The following FRYL variants were observed in gnomAD, a reference collection of about 807,000 sequenced individuals.
FRYL encodes FRY like transcription coactivator.
In FRYL, 150 loss-of-function variants were observed where a neutral mutation model predicts 351.2. The ratio of observed to expected loss-of-function variants is 0.43; its 90% CI spans 0.37 to 0.49. The LOEUF (loss-of-function observed/expected upper bound fraction) is 0.49. Ranked by LOEUF, FRYL falls within the 20% of genes least tolerant of loss-of-function variation. The probability of loss-of-function intolerance (pLI) is 0.00; values close to 1 mark genes in which losing one functional copy is unlikely to be tolerated. For synonymous variants in FRYL, 1,153 were observed against 1,257.1 expected (o/e 0.92, Z 1.75); for missense variants, 3,036 against 3,619.3 (o/e 0.84, Z 4.13).
At chr4:48,650,846 A>G (rs890275214) in intron 3 of FRYL, among the ~76,000 whole-genome samples, 2 of 152,166 alleles carry the variant, frequency 1.3e-5, no homozygotes. Context: ...GGCCTGAACT[A>G]GGATAGTGGC....
intron 47 of FRYL, among the ~76,000 whole-genome samples, chr4:48,537,135 C>A (rs1729067312): frequency 6.6e-6 from 1 of 152,104 alleles, no homozygotes; most frequent in South Asian, 2.1e-4. Context: ...TTTATAACTT[C>A]TCAAGTTGTT....
chr4:48,754,798 T>C (rs1473763742), intron 1 of FRYL, among the ~76,000 whole-genome samples: 3 of 151,710 alleles, frequency 2.0e-5, no homozygotes, highest in Non-Finnish European at 4.4e-5. Context: ...TGAGCCACCA[T>C]GCCTTGCTAA....
At chr4:48,545,746 T>C (rs568412756) in intron 42 of FRYL, among the ~76,000 whole-genome samples, 1 of 152,334 alleles carries the variant, frequency 6.6e-6, no homozygotes, top group Admixed American at 6.5e-5. Flanking sequence ...CTACTTATTG[T>C]GTCTTGCAAA....
intron 27 of FRYL, among the ~76,000 whole-genome samples, chr4:48,568,573 A>G (rs2149094847): frequency 6.6e-6 from 1 of 152,176 alleles, no homozygotes; most frequent in East Asian, 1.9e-4. Context: ...TTTTAAAGGT[A>G]ATTTTTTTTT....
At chr4:48,539,939 T>C (rs1729787226) in intron 47 of FRYL, 32 bp downstream of exon 47, 2 of 1,450,742 alleles carry the variant, frequency 1.4e-6, no homozygotes, top group African/African-American at 1.4e-5. Context: ...AATTTCCCTA[T>C]AGTGTTACCT....
chr4:48,707,678 A>G (rs1358469096), intron 2 of FRYL, among the ~76,000 whole-genome samples: 2 of 152,218 alleles, frequency 1.3e-5, no homozygotes, highest in Non-Finnish European at 2.9e-5. Context: ...CCAGGTAATA[A>G]TGAGGTCTAA....
At chr4:48,679,125 T>C (rs1764237445) in intron 3 of FRYL, among the ~76,000 whole-genome samples, 2 of 152,156 alleles carry the variant, frequency 1.3e-5, no homozygotes, top group Admixed American at 1.3e-4. Context: ...ATATACACTG[T>C]TGAACACAAA....
At position 48,775,042 on chromosome 4, in the gene FRYL, C is replaced by T. The variant is rs185701210; in HGVS notation, c.-384+5036G>A. Among the ~76,000 whole-genome samples, 215 of 152,252 alleles carry T rather than the reference C, an allele frequency of 1.4e-3. 1 individual carries two copies. Among genetic ancestry groups the T allele is most frequent in the African/African-American group, 4.6e-3 (191 of 41,528 alleles). On this transcript the variant is annotated intron_variant, in intron 1 of 63. Transcript: ENST00000358350. ...GATACCTGTAAAGTATAAGGAAAGA[C>T]ACAATTACGTTTGCAGAATTTCAGA...
At chr4:48,543,216 GGATT>G (rs1175444480) in intron 44 of FRYL, among the ~76,000 whole-genome samples, 1 of 152,024 alleles carries the variant, frequency 6.6e-6, no homozygotes, top group Non-Finnish European at 1.5e-5. Context: ...CTTCTCAGAT[GGATT>G]ATCATATGTA....
chr4:48,704,840 T>G (rs1277799614), intron 2 of FRYL, among the ~76,000 whole-genome samples: 1 of 151,028 alleles, frequency 6.6e-6, no homozygotes, highest in Non-Finnish European at 1.5e-5. Context: ...TCCCAGCTAC[T>G]CAGGAGGCTG....
intron 6 of FRYL, among the ~76,000 whole-genome samples, chr4:48,619,754 A>G (rs927971508): frequency 6.6e-6 from 1 of 152,184 alleles, no homozygotes; most frequent in African/African-American, 2.4e-5. Context: ...CTCCTGCCTG[A>G]GCCTCCTAAA....
At chr4:48,655,890 G>A (rs1426937585) in intron 3 of FRYL, among the ~76,000 whole-genome samples, 1 of 136,988 alleles carries the variant, frequency 7.3e-6, no homozygotes, top group African/African-American at 2.6e-5. Context: ...TGTATATAAT[G>A]TATAATTCTA....
At position 48,570,764 on chromosome 4, in the gene FRYL, C is replaced by T. The variant is rs560769634; in HGVS notation, c.2996+63G>A. 2.9e-5 allele frequency: 35 copies of T among 1,207,276 alleles called. 1 individual carries two copies. The South Asian group carries it at 3.0e-4, about 10-fold the overall frequency. 74.8% of individuals were successfully genotyped at this position (1,207,276 alleles called of 1,614,324 possible). Reference sequence around the variant, plus strand: ...TTTCTGTTTTTATACATTTCATGAGCGAAAAGAGATTACGTTCTCTAGGAT... The same window carrying T: ...TTTCTGTTTTTATACATTTCATGAGTGAAAAGAGATTACGTTCTCTAGGAT... On this transcript the variant is annotated intron_variant, in intron 27 of 63. Coordinates refer to ENST00000358350, the MANE Select transcript of FRYL (RefSeq NM_015030.2).
intron 22 of FRYL, chr4:48,580,549 C>G: frequency 3.4e-6 from 1 of 293,960 alleles, no homozygotes; most frequent in East Asian, 5.7e-5. Flanking sequence ...TTCTATCTCA[C>G]GAATATTATA....
At chr4:48,523,564 C>T (rs1725344683) in intron 53 of FRYL, 1 of 154,946 alleles carries the variant, frequency 6.5e-6, no homozygotes, top group South Asian at 2.0e-4. Context: ...ATATACACTA[C>T]ACTTTTGGGG....
chr4:48,768,152 G>A (rs1321719450), intron 1 of FRYL, among the ~76,000 whole-genome samples: 1 of 152,164 alleles, frequency 6.6e-6, no homozygotes, highest in Non-Finnish European at 1.5e-5. Context: ...GATGCCTTGT[G>A]ATGTCCTCTC....
chr4:48,668,709 GAAT>G lies in FRYL; in HGVS notation c.-81+15961_-81+15963del, dbSNP rs1420582270. On this transcript the variant is annotated intron_variant, in intron 3 of 63. Coordinates refer to ENST00000358350, the MANE Select transcript of FRYL (RefSeq NM_015030.2). ...AGAAACAATACTTTCATGTTAAATA[GAAT>G]AATAACTGAGGCTAGGCGGTGAGGA... Among the ~76,000 whole-genome samples the G allele has an allele frequency of 3.3e-5, 5 of 152,298 alleles. No individual in the cohort carries two copies. In the East Asian group the frequency reaches 9.6e-4, roughly 29 times the overall value.
rs1719708403 is a variant in FRYL, at chr4:48,501,744, A to T, written c.8482-11T>A. The T allele has an allele frequency of 7.2e-7, 1 of 1,379,432 alleles. No homozygotes were observed. Among genetic ancestry groups the T allele is most frequent in the South Asian group, 1.2e-5 (1 of 83,196 alleles). 85.4% of individuals were successfully genotyped at this position (1,379,432 alleles called of 1,614,324 possible). ...GCAGAGCTCCAATTCCTAGAAATAA[A>T]TAACATTACATTAAATTTAGGTGTT... On this transcript the variant is annotated splice_polypyrimidine_tract_variant and intron_variant, in intron 61 of 63. Transcript: ENST00000358350.
intron 4 of FRYL, among the ~76,000 whole-genome samples, chr4:48,628,431 CGTGTGTGTGTGT>C (rs397993302): frequency 6.9e-6 from 1 of 144,662 alleles, no homozygotes; most frequent in South Asian, 2.2e-4. Context: ...CCTTCATTTG[CGTGTGTGTGTGT>C]GTGTGTGTGT....
Sources: allele counts gnomAD v4.1 joint callset (sites outside exome capture counted in the v4.1 genomes callset), GRCh38; gene constraint gnomAD v4.1.1; transcripts MANE v1.5; gene names NCBI Gene and HGNC (gene_info 2026-07-23, HGNC 2026-07-21).